Variants in VAT1L observed in about 807,000 individuals in gnomAD.
The protein encoded by VAT1L is vesicle amine transport 1 like.
VAT1L carries 34 observed loss-of-function variants against 44.1 expected under a neutral mutation model. The observed-to-expected ratio is 0.77, with a 90% CI of 0.59 to 1.03. VAT1L has a LOEUF of 1.03. Among genes scored for constraint, VAT1L ranks in the 50% least tolerant of loss-of-function variants. VAT1L has a pLI of 0.00. For missense variants in VAT1L, 615 were observed against 538.8 expected (o/e 1.14, Z -1.40); for synonymous variants, 253 against 202.2 (o/e 1.25, Z -2.13).
In VAT1L at chr16:77,927,792, C is replaced by G. The variant is rs542498416; in HGVS notation, c.1077+42990C>G. Among the ~76,000 whole-genome samples, 555 of 152,130 alleles carry G rather than the reference C, an allele frequency of 3.6e-3. 4 individuals carry two copies. The highest frequency in any genetic ancestry group is 0.012 in the African/African-American group (506 of 41,514). ...GATGAGGCAGGAGAATCGCTTGAAC[C>G]CGGGAGGTGGAGGTTACAGTGAGCC... On this transcript the variant is annotated intron_variant, in intron 7 of 8. Transcript: ENST00000302536.
chr16:77,971,798 C>T (rs1170658526), intron 7 of VAT1L, 52 bp from the exon 8 acceptor site: 2 of 1,570,942 alleles, frequency 1.3e-6, no homozygotes, highest in Non-Finnish European at 1.7e-6. Flanking sequence ...CCCTTTTTAA[C>T]TGGGGAACAT....
At chr16:77,900,637 G>A (rs1290184051) in intron 7 of VAT1L, among the ~76,000 whole-genome samples, 1 of 151,182 alleles carries the variant, frequency 6.6e-6, no homozygotes, top group Admixed American at 6.6e-5. Flanking sequence ...AGAGGTTGCA[G>A]TGAGCTGAAA....
chr16:77,791,318 T>C (rs2015831496), intron 1 of VAT1L, among the ~76,000 whole-genome samples: 2 of 152,328 alleles, frequency 1.3e-5, no homozygotes. Context: ...AGGATATGCT[T>C]TTTGCTTGGA....
chr16:77,971,809 C>T (rs745843672), intron 7 of VAT1L, 41 bp from the exon 8 acceptor site: 4 of 1,589,542 alleles, frequency 2.5e-6, no homozygotes, highest in African/African-American at 2.7e-5. Flanking sequence ...TGGGGAACAT[C>T]TCGCCTAACC....
chr16:77,878,737 A>G (rs2017116065), intron 5 of VAT1L, among the ~76,000 whole-genome samples: 1 of 151,904 alleles, frequency 6.6e-6, no homozygotes, highest in Admixed American at 6.6e-5. Context: ...CACCTCTCCC[A>G]CCATTTAGGT....
chr16:77,926,058 C>A (rs1369220578), intron 7 of VAT1L, among the ~76,000 whole-genome samples: 1 of 150,202 alleles, frequency 6.7e-6, no homozygotes, highest in East Asian at 2.0e-4. Context: ...GTCAGGAGAT[C>A]GAGACCATCC....
At chr16:77,812,617 G>A (rs891873153) in intron 1 of VAT1L, among the ~76,000 whole-genome samples, 8 of 152,116 alleles carry the variant, frequency 5.3e-5, no homozygotes, top group Non-Finnish European at 1.0e-4. Context: ...AGCTTGTTAC[G>A]AATTTTAATG....
intron 7 of VAT1L, among the ~76,000 whole-genome samples, chr16:77,957,277 T>C (rs1239517416): frequency 3.9e-5 from 6 of 152,162 alleles, no homozygotes; most frequent in Non-Finnish European, 5.9e-5. Context: ...TGGAATGACA[T>C]AGCTACCAAT....
chr16:77,849,127 C>T (rs576731641), intron 3 of VAT1L, among the ~76,000 whole-genome samples: 101 of 152,196 alleles, frequency 6.6e-4, no homozygotes, highest in African/African-American at 2.3e-3. Flanking sequence ...CACCATGGCA[C>T]GTGTATGCCT....
chr16:77,855,096 C>T (rs1277241213), intron 3 of VAT1L, among the ~76,000 whole-genome samples: 1 of 152,118 alleles, frequency 6.6e-6, no homozygotes, highest in Non-Finnish European at 1.5e-5. Flanking sequence ...AATCCCAGCA[C>T]TTTGGGAGGC....
intron 7 of VAT1L, among the ~76,000 whole-genome samples, chr16:77,936,146 G>A (rs1371939439): frequency 2.0e-5 from 3 of 152,176 alleles, no homozygotes; most frequent in African/African-American, 4.8e-5. Context: ...ACTGGCTGGG[G>A]AAAGACCTGG....
chr16:77,939,870 A>G (rs1383676011), intron 7 of VAT1L, among the ~76,000 whole-genome samples: 2 of 152,246 alleles, frequency 1.3e-5, no homozygotes, highest in African/African-American at 4.8e-5. Context: ...ATAGCTCATT[A>G]AAGAGTGTGG....
At chr16:77,957,885 C>T (rs2018121018) in intron 7 of VAT1L, among the ~76,000 whole-genome samples, 1 of 151,696 alleles carries the variant, frequency 6.6e-6, no homozygotes, top group Non-Finnish European at 1.5e-5. Flanking sequence ...CATTCTCTTA[C>T]TAGAGCAATA....
At chr16:77,856,096 C>G (rs373175432) in intron 3 of VAT1L, among the ~76,000 whole-genome samples, 7 of 152,190 alleles carry the variant, frequency 4.6e-5, no homozygotes, top group African/African-American at 1.7e-4. Flanking sequence ...GGCTGAGATT[C>G]AAAGGATATA....
intron 2 of VAT1L, among the ~76,000 whole-genome samples, chr16:77,822,300 A>G (rs1296886035): frequency 1.3e-5 from 2 of 151,906 alleles, no homozygotes; most frequent in East Asian, 3.9e-4. Flanking sequence ...ACACCTGGCT[A>G]ATTTTGTATT....
chr16:77,884,524 T>G lies in VAT1L; in HGVS notation c.883-84T>G. On this transcript the variant is annotated intron_variant, in intron 6 of 8. Coordinates refer to ENST00000302536, the MANE Select transcript of VAT1L (RefSeq NM_020927.3). The surrounding 1 kb of genome is among the most constrained non-coding windows in gnomAD (Gnocchi z 4.5). Reference sequence around the variant, plus strand: ...CTGCAGCCCCACGTTCCCCCTGTAGTAGCTGATGACATCAGCAATGCTGCC... The same window carrying G: ...CTGCAGCCCCACGTTCCCCCTGTAGGAGCTGATGACATCAGCAATGCTGCC... The G allele has an allele frequency of 7.1e-7, 1 of 1,413,668 alleles. No individual in the cohort carries two copies. The highest frequency in any genetic ancestry group is 9.6e-7 in the Non-Finnish European group (1 of 1,040,500). 87.6% of individuals were successfully genotyped at this position (1,413,668 alleles called of 1,614,324 possible). A position where few individuals can be genotyped will look rare whatever the true frequency, so the allele number is the denominator to read the frequency against.
At chr16:77,894,859 C>T (rs1312923041) in intron 7 of VAT1L, among the ~76,000 whole-genome samples, 1 of 152,048 alleles carries the variant, frequency 6.6e-6, no homozygotes, top group Non-Finnish European at 1.5e-5. Flanking sequence ...GGAAGAGGCA[C>T]AGCCTTAGAA....
chr16:77,814,823 G>A (rs1441498514), intron 1 of VAT1L, among the ~76,000 whole-genome samples: 1 of 152,218 alleles, frequency 6.6e-6, no homozygotes, highest in African/African-American at 2.4e-5. Context: ...CATGTCAGCT[G>A]TGAAACTGTT....
At chr16:77,812,719 G>A (rs898781051) in intron 1 of VAT1L, among the ~76,000 whole-genome samples, 3 of 152,146 alleles carry the variant, frequency 2.0e-5, no homozygotes, top group Non-Finnish European at 4.4e-5. Context: ...CAATTTTCCT[G>A]TATCTTCCCT....
Sources: gnomAD v4.1 joint callset for allele counts (sites outside exome capture counted in the v4.1 genomes callset) on GRCh38, gnomAD v4.1.1 for gene constraint, Gnocchi (gnomAD v3.1) non-coding constraint, MANE v1.5 for transcripts, NCBI Gene and HGNC (gene_info 2026-07-23, HGNC 2026-07-21) for gene names.